The following MYH15 variants were observed in gnomAD, a reference collection of about 807,000 sequenced individuals.
MYH15 encodes myosin-15.
In MYH15, 227 loss-of-function variants were observed where a neutral mutation model predicts 240.5. The ratio of observed to expected loss-of-function variants is 0.94; its 90% CI spans 0.85 to 1.05. The LOEUF is 1.05. Among genes scored for constraint, MYH15 ranks in the 50% least tolerant of loss-of-function variants. The pLI, the probability that MYH15 is intolerant of heterozygous loss-of-function variation, is 0.00. For synonymous variants in MYH15, 785 were observed against 796.7 expected, an observed-to-expected ratio of 0.99 and a Z score of 0.25; for missense variants, 2,217 against 2,247.5, an observed-to-expected ratio of 0.99 and a Z score of 0.27.
rs74591101 is a variant in MYH15, at chr3:108,429,416, G to C, written c.3313-535C>G. ...TTACTTGGTTTTCTAGTCTGCAGGAGATTTCAAGGAAGAGATTTGAAATAA... is the reference window on the plus strand; with the variant it reads ...TTACTTGGTTTTCTAGTCTGCAGGACATTTCAAGGAAGAGATTTGAAATAA... On this transcript the variant is annotated intron_variant, in intron 26 of 40. Transcript: ENST00000693548. Among the ~76,000 whole-genome samples, 1,414 of 152,226 alleles carry C rather than the reference G, an allele frequency of 9.3e-3. 17 individuals are homozygous for C. Among genetic ancestry groups the C allele is most frequent in the African/African-American group, 0.028 (1,147 of 41,540 alleles).
At chr3:108,385,086 T>C (rs1352602803) in intron 38 of MYH15, among the ~76,000 whole-genome samples, 1 of 152,238 alleles carries the variant, frequency 6.6e-6, no homozygotes, top group Non-Finnish European at 1.5e-5. Context: ...GCTATATCTG[T>C]ATACTTAAAA....
At position 108,470,147 on chromosome 3, in the gene MYH15, C is replaced by T. The variant is rs754756905; in HGVS notation, c.1449G>A (p.Trp483Ter). The change falls in exon 14 of 41, where the codon TGG (tryptophan) becomes TGA (stop). Residue 483 changes from tryptophan (W) to a stop codon, truncating the protein, a stop_gained. Coordinates refer to ENST00000693548, the MANE Select transcript of MYH15 (RefSeq NM_014981.3). LOFTEE classifies it high-confidence loss of function. ...CCTCTTGCTCCAGAACAAACATGTG[C>T]CAATTGAAGAATTGTTGTAATTTTT... is the stretch of plus-strand genomic sequence containing the variant. ...TNEKLQQFFN[W>*]HMFVLEQEEY... 1.4e-5 allele frequency: 22 copies of T among 1,608,360 alleles called. No individual in the cohort carries two copies. Among genetic ancestry groups the T allele is most frequent in the Non-Finnish European group, 1.8e-5 (21 of 1,177,658 alleles).
At chr3:108,483,077 A>G (rs1318623087) in intron 11 of MYH15, among the ~76,000 whole-genome samples, 4 of 151,838 alleles carry the variant, frequency 2.6e-5, no homozygotes, top group Admixed American at 2.6e-4. Context: ...CTGTAATCCC[A>G]GCTTCCCAGC....
chr3:108,489,791 C>T lies in MYH15; in HGVS notation c.871+2709G>A, dbSNP rs375054296. Among the ~76,000 whole-genome samples the T allele has an allele frequency of 7.2e-5, 11 of 152,174 alleles. 1 individual carries two copies. The highest frequency in any genetic ancestry group is 5.8e-4 in the East Asian group (3 of 5,196). On this transcript the variant is annotated intron_variant, in intron 9 of 40. Coordinates refer to ENST00000693548, the MANE Select transcript of MYH15 (RefSeq NM_014981.3). ...TACTCTGAAGCTCTTCTTTAGCAAA[C>T]ATGGATGGTAAGAGTTCCAGATCAT...
chr3:108,418,607 T>G (rs373010943), intron 28 of MYH15, among the ~76,000 whole-genome samples: 1 of 150,692 alleles, frequency 6.6e-6, no homozygotes, highest in South Asian at 2.1e-4. Flanking sequence ...AATCAAACTT[T>G]AAGGGTATTT....
At chr3:108,386,472 C>T (rs1183536846) in intron 38 of MYH15, among the ~76,000 whole-genome samples, 1 of 152,198 alleles carries the variant, frequency 6.6e-6, no homozygotes, top group African/African-American at 2.4e-5. Flanking sequence ...TGAGGCCACA[C>T]ACTTCCCAGG....
chr3:108,505,838 CAAAA>C lies in MYH15; in HGVS notation c.89-13_89-10del, dbSNP rs55971936. The C allele has an allele frequency of 5.5e-4, 696 of 1,275,576 alleles. No homozygotes were observed. Among genetic ancestry groups the C allele is most frequent in the South Asian group, 1.0e-3 (74 of 70,862 alleles). The allele number at this position is 1,275,576 out of a possible 1,614,324, so 79.0% of individuals were successfully genotyped here. On this transcript the variant is annotated splice_polypyrimidine_tract_variant and intron_variant, in intron 1 of 40. Coordinates refer to ENST00000693548, the MANE Select transcript of MYH15 (RefSeq NM_014981.3). The stretch of plus-strand genomic sequence containing the variant: ...CCAGCATTTCTTCTTCCCTGTAGAG[CAAAA>C]AAAAAAAAAAATGGATTATAGCTAT...
chr3:108,502,286 C>G (rs1224505290), intron 2 of MYH15, among the ~76,000 whole-genome samples: 3 of 152,152 alleles, frequency 2.0e-5, no homozygotes, highest in South Asian at 2.1e-4. Flanking sequence ...AGTTCAAAAC[C>G]TGTCTCCTCC....
intron 11 of MYH15, among the ~76,000 whole-genome samples, chr3:108,484,687 C>T (rs1398668643): frequency 2.0e-5 from 3 of 152,056 alleles, no homozygotes; most frequent in Non-Finnish European, 2.9e-5. Flanking sequence ...GCTATATTGG[C>T]CAGGCTGGTC....
chr3:108,531,736 C>T (rs994272430), upstream of MYH15, among the ~76,000 whole-genome samples: 13 of 151,792 alleles, frequency 8.6e-5, no homozygotes, highest in African/African-American at 3.1e-4. Flanking sequence ...GAGATCGCAC[C>T]ACTGCACTCC....
At chr3:108,396,286 G>A (rs975968286) in intron 35 of MYH15, among the ~76,000 whole-genome samples, 6 of 152,144 alleles carry the variant, frequency 3.9e-5, no homozygotes, top group South Asian at 4.1e-4. Flanking sequence ...ATAGACCAGC[G>A]GTCCCCAACC....
At chr3:108,533,175 G>C (rs1319782471), upstream of MYH15, among the ~76,000 whole-genome samples, 1 of 140,722 alleles carries the variant, frequency 7.1e-6, no homozygotes, top group Non-Finnish European at 1.5e-5. Context: ...AAATGGGCGA[G>C]ACCAAGTTTG....
chr3:108,459,616 A>C (rs2083054081), intron 17 of MYH15, among the ~76,000 whole-genome samples, 167 bp from the exon 18 acceptor site: 1 of 152,220 alleles, frequency 6.6e-6, no homozygotes, highest in Non-Finnish European at 1.5e-5. Context: ...AATGCACATT[A>C]TTTCTTTCCT....
chr3:108,469,763 T>C (rs555166075), intron 14 of MYH15, among the ~76,000 whole-genome samples: 178 of 152,320 alleles, frequency 1.2e-3, no homozygotes, highest in Middle Eastern at 0.01. Flanking sequence ...ATTTTTAAAC[T>C]CAACAAGTTT....
chr3:108,505,130 T>A (rs898334675), intron 2 of MYH15, among the ~76,000 whole-genome samples: 20 of 152,228 alleles, frequency 1.3e-4, no homozygotes, highest in Non-Finnish European at 2.1e-4. Context: ...TACCTTTTTT[T>A]AAAAATACTG....
the MYH15 span, among the ~76,000 whole-genome samples, chr3:108,536,350 ATTTTC>A: frequency 1.3e-5 from 2 of 152,262 alleles, no homozygotes; most frequent in Non-Finnish European, 2.9e-5. Context: ...ATTTGTATCT[ATTTTC>A]TTTTATTAGA....
chr3:108,386,360 G>T (rs1261960142), intron 38 of MYH15, among the ~76,000 whole-genome samples: 2 of 152,180 alleles, frequency 1.3e-5, no homozygotes, highest in African/African-American at 4.8e-5. Context: ...GCACGTCCTA[G>T]ATTTCCTATC....
rs1382264485 is a variant in MYH15 at position 108,414,247 on chromosome 3, T to A, written c.4130A>T (p.Asp1377Val). The A allele has an allele frequency of 3.7e-6, 6 of 1,613,990 alleles. 1 individual carries two copies. In the African/African-American group the frequency reaches 8.0e-5, roughly 22 times the overall value. The change falls in exon 30 of 41, where the codon GAC (aspartate) becomes GTC (valine). Residue 1377 changes from aspartate to valine, a missense_variant. Transcript: ENST00000693548. ...YENNVIQRTE[D>V]LEDAKKELAI... The stretch of plus-strand genomic sequence containing the variant: ...CCCTACTCACTTGGCATCCTCCAAG[T>A]CTTCTGTTCTCTGGATGACATTGTT...
At chr3:108,387,387 T>G (rs990403919) in intron 38 of MYH15, among the ~76,000 whole-genome samples, 1 of 152,338 alleles carries the variant, frequency 6.6e-6, no homozygotes, top group Middle Eastern at 3.4e-3. Context: ...AAAATAGGCC[T>G]ATCTAAGCAT....
Sources: allele counts gnomAD v4.1 joint callset (sites outside exome capture counted in the v4.1 genomes callset), GRCh38; gene constraint gnomAD v4.1.1; transcripts MANE v1.5; gene names NCBI Gene and HGNC (gene_info 2026-07-23, HGNC 2026-07-21).